LMX1A: variants seen among roughly 807,000 people sequenced by gnomAD.
LMX1A encodes the protein LIM homeobox transcription factor 1 alpha.
Under a neutral mutation model 49.1 loss-of-function variants are expected in LMX1A, and 15 were observed. The ratio of observed to expected loss-of-function variants is 0.31; its 90% CI spans 0.20 to 0.47. The LOEUF (loss-of-function observed/expected upper bound fraction) is 0.47, where lower values mean the gene tolerates loss of function less well. Among genes scored for constraint, LMX1A ranks in the 20% least tolerant of loss-of-function variants. The pLI is 1.00. For synonymous variants in LMX1A, 167 were observed against 185.7 expected, an observed-to-expected ratio of 0.90 and a Z score of 0.82; for missense variants, 372 against 475.8, an observed-to-expected ratio of 0.78 and a Z score of 2.03.
chr1:165,208,710 G>T (rs1010977890), intron 6 of LMX1A, among the ~76,000 whole-genome samples: 13 of 151,360 alleles, frequency 8.6e-5, no homozygotes, highest in Non-Finnish European at 2.9e-5. Flanking sequence ...GCAGTGGCGC[G>T]ATCTCGGCTC....
intron 4 of LMX1A, among the ~76,000 whole-genome samples, chr1:165,242,467 CA>C (rs10624846): frequency 0.1 from 13,491 of 132,158 alleles, 758 homozygotes; most frequent in Non-Finnish European, 0.14. Context: ...CATAAAAAAG[CA>C]AAAAAAAAAA....
chr1:165,343,278 G>A lies in LMX1A; in HGVS notation c.263+9798C>T, dbSNP rs79920930. ...CATGGTAACACAGCTAAGGAACAGC[G>A]GGACAAGGATTTGATCCCAGATACT... On this transcript the variant is annotated intron_variant, in intron 3 of 8. Coordinates refer to ENST00000342310, the MANE Select transcript of LMX1A (RefSeq NM_177398.4). 1.8e-4 allele frequency among the ~76,000 whole-genome samples: 28 copies of A among 152,066 alleles called. 1 individual carries two copies. The highest frequency in any genetic ancestry group is 3.4e-3 in the Middle Eastern group (1 of 294).
In LMX1A at chr1:165,270,792, C is replaced by T. The variant is rs539388868; in HGVS notation, c.264-21152G>A. Among the ~76,000 whole-genome samples, 12 of 152,224 alleles carry T rather than the reference C, an allele frequency of 7.9e-5. No individual in the cohort carries two copies. In the South Asian group the frequency reaches 2.1e-3, roughly 26 times the overall value. ...TGTGGGAAGAATATTCTGTTAGGACCAGCACACAGGACAGATGGGAAAGAA... is the reference window on the plus strand; with the variant it reads ...TGTGGGAAGAATATTCTGTTAGGACTAGCACACAGGACAGATGGGAAAGAA... On this transcript the variant is annotated intron_variant, in intron 3 of 8. Transcript: ENST00000342310.
chr1:165,342,440 A>G (rs552215471), intron 3 of LMX1A, among the ~76,000 whole-genome samples: 1 of 152,302 alleles, frequency 6.6e-6, no homozygotes, highest in African/African-American at 2.4e-5. Context: ...CACCAATAGC[A>G]AACCCTGGGA....
intron 3 of LMX1A, among the ~76,000 whole-genome samples, chr1:165,342,902 G>T (rs771889170): frequency 6.6e-6 from 1 of 151,962 alleles, no homozygotes; most frequent in Non-Finnish European, 1.5e-5. Context: ...AGAGGCTGGG[G>T]ACAGCATCCC....
At chr1:165,304,238 CA>C (rs1182301236) in intron 3 of LMX1A, among the ~76,000 whole-genome samples, 2 of 152,108 alleles carry the variant, frequency 1.3e-5, no homozygotes, top group African/African-American at 4.8e-5. Context: ...TCAGAAAGCC[CA>C]TGGTATGTGC....
At chr1:165,325,012 A>G (rs779518878) in intron 3 of LMX1A, among the ~76,000 whole-genome samples, 4 of 152,182 alleles carry the variant, frequency 2.6e-5, no homozygotes, top group Non-Finnish European at 5.9e-5. Flanking sequence ...TGTGAGCTAA[A>G]TGTCTCTCCA....
intron 3 of LMX1A, among the ~76,000 whole-genome samples, chr1:165,329,332 T>A (rs574492610): frequency 2.0e-5 from 3 of 152,172 alleles, no homozygotes; most frequent in Admixed American, 6.5e-5. Context: ...CAATTCAAGA[T>A]GAGACTTGGG....
intron 4 of LMX1A, among the ~76,000 whole-genome samples, chr1:165,230,338 A>C (rs1652195937): frequency 6.6e-6 from 1 of 152,198 alleles, no homozygotes; most frequent in South Asian, 2.1e-4. Flanking sequence ...TTTCTGTCTA[A>C]TTTAATTTTA....
chr1:165,347,377 C>A (rs1014889851), intron 3 of LMX1A, among the ~76,000 whole-genome samples: 2 of 152,216 alleles, frequency 1.3e-5, no homozygotes, highest in African/African-American at 4.8e-5. Context: ...GAGGAAGCCT[C>A]AGGCATGCTG....
chr1:165,249,661 AGT>A, intron 3 of LMX1A, 21 bp from the exon 4 acceptor site: 1 of 1,594,216 alleles, frequency 6.3e-7, no homozygotes, highest in Non-Finnish European at 8.6e-7. Flanking sequence ...GGAGAAAGGA[AGT>A]ACATGCACCA....
intron 3 of LMX1A, among the ~76,000 whole-genome samples, chr1:165,269,921 G>A (rs1284218672): frequency 2.0e-5 from 3 of 152,044 alleles, no homozygotes; most frequent in Non-Finnish European, 4.4e-5. Context: ...AGAGCATTAG[G>A]GAAAAGAGCT....
At chr1:165,257,976 C>T (rs1653306193) in intron 3 of LMX1A, among the ~76,000 whole-genome samples, 1 of 152,206 alleles carries the variant, frequency 6.6e-6, no homozygotes, top group South Asian at 2.1e-4. Flanking sequence ...TACTACAGTT[C>T]AGCTGTCTTT....
chr1:165,204,137 A>T, intron 8 of LMX1A, 97 bp from the exon 9 acceptor site: 1 of 1,315,748 alleles, frequency 7.6e-7, no homozygotes, highest in Non-Finnish European at 1.1e-6. Flanking sequence ...TTGCCTGAGC[A>T]CAGGCTCCAG....
At chr1:165,270,448 C>G (rs1275200412) in intron 3 of LMX1A, among the ~76,000 whole-genome samples, 1 of 152,096 alleles carries the variant, frequency 6.6e-6, no homozygotes, top group African/African-American at 2.4e-5. Flanking sequence ...TAAATGGGAG[C>G]CTTAAACATT....
chr1:165,276,330 C>T (rs1346679384), intron 3 of LMX1A, among the ~76,000 whole-genome samples: 3 of 152,176 alleles, frequency 2.0e-5, no homozygotes, highest in Non-Finnish European at 4.4e-5. Flanking sequence ...AAACAGACCC[C>T]TGAGGATGAA....
intron 3 of LMX1A, among the ~76,000 whole-genome samples, chr1:165,315,328 G>A (rs74118583): frequency 2.6e-5 from 4 of 152,194 alleles, no homozygotes; most frequent in South Asian, 4.2e-4. Context: ...CCACACTAAC[G>A]AAAGAATATT....
At position 165,251,401 on chromosome 1, in the gene LMX1A, G is replaced by A. The variant is rs963302178; in HGVS notation, c.264-1761C>T. On this transcript the variant is annotated intron_variant, in intron 3 of 8. Coordinates refer to ENST00000342310, the MANE Select transcript of LMX1A (RefSeq NM_177398.4). ...CCAGGCTTGAATGGTTTTTTAACAC[G>A]GTAATATCCAAGTTCTGGAAAAGGA... Among the ~76,000 whole-genome samples, 12 of 152,224 alleles carry A rather than the reference G, an allele frequency of 7.9e-5. No homozygotes were observed. The East Asian group carries it at 9.7e-4, about 12-fold the overall frequency.
chr1:165,302,530 T>A (rs1654812366), intron 3 of LMX1A, among the ~76,000 whole-genome samples: 1 of 152,116 alleles, frequency 6.6e-6, no homozygotes, highest in African/African-American at 2.4e-5. Flanking sequence ...GATGCTGACA[T>A]TGCTTCTGTT....
Sources: gnomAD v4.1 joint callset for allele counts (sites outside exome capture counted in the v4.1 genomes callset) on GRCh38, gnomAD v4.1.1 for gene constraint, MANE v1.5 for transcripts, NCBI Gene and HGNC (gene_info 2026-07-23, HGNC 2026-07-21) for gene names.